PIKFYVE: variants seen among roughly 807,000 people sequenced by gnomAD.
The protein encoded by PIKFYVE is phosphoinositide kinase, FYVE-type zinc finger containing.
PIKFYVE carries 122 observed loss-of-function variants against 257.9 expected under a neutral mutation model. The ratio of observed to expected loss-of-function variants is 0.47; its 90% confidence interval spans 0.41 to 0.55. The LOEUF (loss-of-function observed/expected upper bound fraction) is 0.55. Among genes scored for constraint, PIKFYVE ranks in the 20% least tolerant of loss-of-function variants. PIKFYVE has a pLI of 0.00. For missense variants in PIKFYVE, 2,160 were observed against 2,536.6 expected (o/e 0.85, Z 3.19); for synonymous variants, 892 against 868.9 (o/e 1.03, Z -0.47).
chr2:208,302,108 A>G (rs1693766803), intron 9 of PIKFYVE, 134 bp from the exon 10 acceptor site: 1 of 747,544 alleles, frequency 1.3e-6, no homozygotes, highest in African/African-American at 1.7e-5. Context: ...TTCGTCCTTT[A>G]CTTATCCAAG....
Position 208,358,392 on chromosome 2 carries a change from TG to T in PIKFYVE, c.*3088del, listed in dbSNP as rs1700279700. 9.0e-5 allele frequency: 2 copies of T among 22,308 alleles called. No individual in the cohort carries two copies. Among genetic ancestry groups the T allele is most frequent in the South Asian group, 3.1e-3 (2 of 638 alleles). 1.4% of individuals were successfully genotyped at this position (22,308 alleles called of 1,614,324 possible). On this transcript the variant is annotated 3_prime_UTR_variant, in exon 42 of 42. Coordinates refer to ENST00000264380, the MANE Select transcript of PIKFYVE (RefSeq NM_015040.4). The stretch of plus-strand genomic sequence containing the variant: ...TTCAAACCATCTAGTGCAATGTTTT[TG>T]TTTTTGTTTTTTTTTTGGTAACACA...
At chr2:208,298,042 G>T (rs1322251699) in intron 7 of PIKFYVE, among the ~76,000 whole-genome samples, 6 of 151,786 alleles carry the variant, frequency 4.0e-5, no homozygotes, top group Non-Finnish European at 7.4e-5. Flanking sequence ...TCTTTTTTTG[G>T]TCATAACATT....
chr2:208,302,623 A>G (rs1289503463), intron 10 of PIKFYVE: 2 of 413,282 alleles, frequency 4.8e-6, no homozygotes, highest in Non-Finnish European at 9.0e-6. Context: ...TTGGTGTGGT[A>G]GTTCTTAAAT....
chr2:208,341,973 A>G (rs533423488), intron 31 of PIKFYVE, among the ~76,000 whole-genome samples: 4 of 150,186 alleles, frequency 2.7e-5, no homozygotes, highest in Non-Finnish European at 4.4e-5. Context: ...TCGCCATTGT[A>G]TTGTTAACAT....
intron 21 of PIKFYVE, among the ~76,000 whole-genome samples, chr2:208,329,092 A>C (rs1697239752): frequency 6.6e-6 from 1 of 152,180 alleles, no homozygotes; most frequent in Non-Finnish European, 1.5e-5. Flanking sequence ...TTTTTTTCAA[A>C]TTATTGTCAC....
In PIKFYVE at chr2:208,351,443, T is replaced by C. The variant is rs1699764997; in HGVS notation, c.5703T>C (p.Ala1901=). The C allele has an allele frequency of 1.9e-6, 3 of 1,609,424 alleles. No individual in the cohort carries two copies. Among genetic ancestry groups the C allele is most frequent in the Middle Eastern group, 1.7e-4 (1 of 6,046 alleles). ...ATTACTTCAATTATATTACAAATGC[T>C]GTTCAACAAAAGGTAGAAATCTAAA... is the stretch of plus-strand genomic sequence containing the variant. ...APHYFNYITN[A]VQQKRPTALA... is the part of the protein sequence containing the mutation. Residue 1901 remains alanine, a synonymous_variant, in exon 38 of 42, where the codon GCT becomes GCC. Transcript: ENST00000264380.
At chr2:208,323,796 G>C (rs1696591541) in intron 17 of PIKFYVE, among the ~76,000 whole-genome samples, 1 of 152,126 alleles carries the variant, frequency 6.6e-6, no homozygotes, top group Non-Finnish European at 1.5e-5. Flanking sequence ...TTTAATGATT[G>C]CCATTCTATC....
chr2:208,339,918 C>A, intron 30 of PIKFYVE, 93 bp from the exon 31 acceptor site: 1 of 1,382,672 alleles, frequency 7.2e-7, no homozygotes, highest in Non-Finnish European at 1.0e-6. Flanking sequence ...ATACATATGT[C>A]CATATTCCGA....
chr2:208,342,481 A>G, intron 31 of PIKFYVE, 73 bp from the exon 32 acceptor site: 2 of 1,136,086 alleles, frequency 1.8e-6, no homozygotes, highest in East Asian at 2.4e-5. Context: ...ATCTGCATAC[A>G]TTTTGGCTTT....
At chr2:208,272,808 A>G (rs549306158) in intron 2 of PIKFYVE, among the ~76,000 whole-genome samples, 4 of 152,074 alleles carry the variant, frequency 2.6e-5, no homozygotes, top group East Asian at 3.9e-4. Context: ...AAAAAAAACT[A>G]TTTTTTAGAA....
At chr2:208,302,748 A>AT (rs1473690669) in intron 10 of PIKFYVE, among the ~76,000 whole-genome samples, 1 of 152,122 alleles carries the variant, frequency 6.6e-6, no homozygotes, top group East Asian at 1.9e-4. Context: ...ATTTTATGGC[A>AT]TCTATTGAAA....
Position 208,273,657 on chromosome 2 carries a change from G to C in PIKFYVE, c.246G>C (p.Arg82Ser), listed in dbSNP as rs557473029. Residue 82 changes from arginine to serine, a missense_variant, in exon 3 of 42, where the codon AGG (arginine) becomes AGC (serine). Physicochemically the swap from Arg to Ser is moderately radical, Grantham distance 110. This residue lies in a region of PIKFYVE where 172 missense variants were observed against 180.6 expected (regional missense o/e 0.95). Coordinates refer to ENST00000264380, the MANE Select transcript of PIKFYVE (RefSeq NM_015040.4). ...GGACCAGCCCTCAGCTCCCTTCGAG[G>C]ACACAGTCTGTTAGGTCACCCACAC... is the stretch of plus-strand genomic sequence containing the variant. The part of the protein sequence containing the change: ...GSWTSPQLPS[R>S]TQSVRSPTPY... 1 of 1,614,126 alleles carries C rather than the reference G, an allele frequency of 6.2e-7. No individual in the cohort carries two copies. The highest frequency in any genetic ancestry group is 1.7e-5 in the Admixed American group (1 of 60,024).
At chr2:208,313,792 A>C (rs1695185975) in intron 13 of PIKFYVE, among the ~76,000 whole-genome samples, 1 of 152,184 alleles carries the variant, frequency 6.6e-6, no homozygotes, top group South Asian at 2.1e-4. Flanking sequence ...CATGTTGGCC[A>C]GGCTGGTCTC....
chr2:208,325,963 A>G lies in PIKFYVE; in HGVS notation c.3152A>G (p.Asp1051Gly), dbSNP rs1696881142. 1 of 1,614,070 alleles carries G rather than the reference A, an allele frequency of 6.2e-7. No homozygotes were observed. The highest frequency in any genetic ancestry group is 2.2e-5 in the East Asian group (1 of 44,876). Reference protein sequence around the residue: ...YSLAFKQELKDVILCISPVIT... With the variant: ...YSLAFKQELKGVILCISPVIT... Reference sequence around the variant, plus strand: ...TTGGCCTTTAAGCAGGAATTAAAAGATGTGATCCTCTGTATCTCCCCAGTA... The same window carrying G: ...TTGGCCTTTAAGCAGGAATTAAAAGGTGTGATCCTCTGTATCTCCCCAGTA... Residue 1051 changes from aspartate (D) to glycine (G), a missense_variant, in exon 20 of 42, where the codon GAT becomes GGT. This residue lies in a region of PIKFYVE where 522 missense variants were observed against 514.6 expected (regional missense o/e 1.01). Transcript: ENST00000264380.
intron 36 of PIKFYVE, 61 bp from the exon 37 acceptor site, chr2:208,350,710 G>A (rs920608691): frequency 4.9e-5 from 77 of 1,571,244 alleles, no homozygotes; most frequent in Admixed American, 2.3e-4. Flanking sequence ...GTGAGGGAGC[G>A]GAGGAGGAAA....
At chr2:208,322,899 G>A (rs7567233) in intron 17 of PIKFYVE, among the ~76,000 whole-genome samples, 134,725 of 136,754 alleles carry the variant, frequency 0.99, 66,384 homozygotes, top group East Asian at 1. Context: ...CCTGTGTCCA[G>A]GTGTTCTCAA....
chr2:208,285,973 A>AT (rs1374556356), intron 6 of PIKFYVE, 40 bp downstream of exon 6: 2 of 1,578,656 alleles, frequency 1.3e-6, no homozygotes, highest in Non-Finnish European at 1.7e-6. Context: ...GAGTTGAAAA[A>AT]TATCGATAGT....
At chr2:208,283,692 T>C (rs1377017827) in intron 5 of PIKFYVE, among the ~76,000 whole-genome samples, 1 of 152,222 alleles carries the variant, frequency 6.6e-6, no homozygotes, top group Admixed American at 6.5e-5. Flanking sequence ...GCAATCCTCC[T>C]ACCTCTCCGC....
At chr2:208,336,250 T>A in intron 27 of PIKFYVE, 50 bp downstream of exon 27, 1 of 1,602,482 alleles carries the variant, frequency 6.2e-7, no homozygotes, top group Non-Finnish European at 8.5e-7. Flanking sequence ...ACATTTGTTC[T>A]AATGTGATAT....
Sources: allele counts gnomAD v4.1 joint callset (sites outside exome capture counted in the v4.1 genomes callset), GRCh38; gene constraint gnomAD v4.1.1; regional missense constraint gnomAD v4.1.1; transcripts MANE v1.5; gene names NCBI Gene and HGNC (gene_info 2026-07-23, HGNC 2026-07-21).